Variants in ADARB2 observed in about 807,000 individuals in gnomAD.
The protein encoded by ADARB2 is inactive double-stranded RNA-specific editase B2.
In ADARB2, 25 loss-of-function variants were observed where a neutral mutation model predicts 62.2. The ratio of observed to expected loss-of-function variants is 0.40; its 90% CI spans 0.29 to 0.56. ADARB2 has a LOEUF of 0.56. Ranked by LOEUF, ADARB2 falls within the 20% of genes least tolerant of loss-of-function variation. ADARB2 has a pLI of 0.43. For synonymous variants in ADARB2, 572 were observed against 500.8 expected (o/e 1.14, Z -1.90); for missense variants, 1,071 against 1,077.4 (o/e 0.99, Z 0.08).
In ADARB2 at chr10:1,600,533, G is replaced by A. The variant is rs1018837593; in HGVS notation, c.100+136518C>T. On this transcript the variant is annotated intron_variant, in intron 1 of 9. Transcript: ENST00000381312. ...AAAAAGTAGCTGGGCGTGGTGGTGCGCCCCTGTAATCCCAGCTACTCCGAA... is the reference window on the plus strand; with the variant it reads ...AAAAAGTAGCTGGGCGTGGTGGTGCACCCCTGTAATCCCAGCTACTCCGAA... Among the ~76,000 whole-genome samples, 14 of 151,860 alleles carry A rather than the reference G, an allele frequency of 9.2e-5. 1 individual carries two copies. In the South Asian group the frequency reaches 2.5e-3, roughly 27 times the overall value.
chr10:1,496,100 G>A (rs1183259231), intron 1 of ADARB2, among the ~76,000 whole-genome samples: 2 of 144,710 alleles, frequency 1.4e-5, no homozygotes, highest in South Asian at 2.2e-4. Flanking sequence ...CATCATCATC[G>A]TCATCACCAT....
chr10:1,623,260 G>A (rs1833728189), intron 1 of ADARB2, among the ~76,000 whole-genome samples: 1 of 152,156 alleles, frequency 6.6e-6, no homozygotes, highest in South Asian at 2.1e-4. Context: ...ATTCTCAAGA[G>A]GACGTGAGGC....
Position 1,472,505 on chromosome 10 carries a change from C to T in ADARB2, c.101-93345G>A, listed in dbSNP as rs111836388. Reference sequence around the variant, plus strand: ...GGGGTGTACCCAAGTGGACACCGGGCCAGGAGAGTCTTCCTCACCATGCTG... The same window carrying T: ...GGGGTGTACCCAAGTGGACACCGGGTCAGGAGAGTCTTCCTCACCATGCTG... On this transcript the variant is annotated intron_variant, in intron 1 of 9. Coordinates refer to ENST00000381312, the MANE Select transcript of ADARB2 (RefSeq NM_018702.4). 8.5e-3 allele frequency among the ~76,000 whole-genome samples: 1,301 copies of T among 152,260 alleles called. 15 individuals carry two copies. Among genetic ancestry groups the T allele is most frequent in the African/African-American group, 0.03 (1,228 of 41,546 alleles).
intron 1 of ADARB2, among the ~76,000 whole-genome samples, chr10:1,547,802 G>C (rs1313751598): frequency 6.6e-6 from 1 of 150,782 alleles, no homozygotes; most frequent in Admixed American, 6.6e-5. Flanking sequence ...GGGGCAAGAG[G>C]CTGCACAGGT....
At chr10:1,473,663 T>A (rs1831357066) in intron 1 of ADARB2, among the ~76,000 whole-genome samples, 1 of 152,198 alleles carries the variant, frequency 6.6e-6, no homozygotes, top group South Asian at 2.1e-4. Context: ...ATTACAGGCA[T>A]GAGCTACTGC....
At chr10:1,433,041 C>A (rs1444968273) in intron 1 of ADARB2, among the ~76,000 whole-genome samples, 1 of 152,120 alleles carries the variant, frequency 6.6e-6, no homozygotes, top group African/African-American at 2.4e-5. Context: ...AAAAATCTCC[C>A]ATTTTCTAAA....
intron 1 of ADARB2, among the ~76,000 whole-genome samples, chr10:1,594,110 T>G (rs1442753236): frequency 6.6e-6 from 1 of 152,050 alleles, no homozygotes; most frequent in African/African-American, 2.4e-5. Context: ...GCCAACATAG[T>G]GAAACCCTGT....
intron 6 of ADARB2, among the ~76,000 whole-genome samples, chr10:1,227,099 C>T (rs950675129): frequency 9.2e-5 from 14 of 152,346 alleles, no homozygotes; most frequent in African/African-American, 3.4e-4. Context: ...ACAACTAACT[C>T]GGCAATGGCG....
intron 1 of ADARB2, among the ~76,000 whole-genome samples, chr10:1,504,195 C>T (rs1005613964): frequency 6.6e-6 from 1 of 152,162 alleles, no homozygotes; most frequent in African/African-American, 2.4e-5. Context: ...GCTCCAACCC[C>T]CTTTAAATCC....
chr10:1,408,865 G>A (rs969710752), intron 1 of ADARB2, among the ~76,000 whole-genome samples: 2 of 152,220 alleles, frequency 1.3e-5, no homozygotes, highest in Non-Finnish European at 2.9e-5. Context: ...CTGTCTGCCT[G>A]GGACCCAACG....
intron 1 of ADARB2, among the ~76,000 whole-genome samples, chr10:1,656,393 C>CA (rs1390655180): frequency 5.9e-5 from 9 of 152,176 alleles, no homozygotes; most frequent in Admixed American, 1.3e-4. Context: ...ACTCCTAGCC[C>CA]AAAGACAAAT....
chr10:1,270,886 G>C, intron 4 of ADARB2, 69 bp downstream of exon 4: 1 of 1,395,600 alleles, frequency 7.2e-7, no homozygotes, highest in Non-Finnish European at 1.0e-6. Flanking sequence ...TGGCCTCCAA[G>C]ATCAGGTAGA....
intron 1 of ADARB2, among the ~76,000 whole-genome samples, chr10:1,659,420 A>G (rs1009082812): frequency 3.3e-5 from 5 of 152,192 alleles, no homozygotes; most frequent in Non-Finnish European, 7.3e-5. Context: ...CGCGACATCT[A>G]AAAAACGAAA....
intron 3 of ADARB2, among the ~76,000 whole-genome samples, chr10:1,348,227 T>G (rs1329604087): frequency 6.6e-6 from 1 of 151,894 alleles, no homozygotes; most frequent in East Asian, 1.9e-4. Context: ...TCCCTGTTGT[T>G]TCTAAACTCT....
At chr10:1,245,702 G>A (rs1830980215) in intron 4 of ADARB2, among the ~76,000 whole-genome samples, 1 of 152,172 alleles carries the variant, frequency 6.6e-6, no homozygotes, top group African/African-American at 2.4e-5. Flanking sequence ...ATTCCATGGT[G>A]TATATGTGCC....
intron 1 of ADARB2, among the ~76,000 whole-genome samples, chr10:1,467,605 C>T (rs1389542236): frequency 2.0e-5 from 3 of 152,208 alleles, no homozygotes; most frequent in Non-Finnish European, 4.4e-5. Context: ...ACCGCTGACA[C>T]TGTGCCCAGC....
chr10:1,441,020 G>T (rs1201462728), intron 1 of ADARB2, among the ~76,000 whole-genome samples: 1 of 152,204 alleles, frequency 6.6e-6, no homozygotes, highest in African/African-American at 2.4e-5. Flanking sequence ...TGGGTTCACT[G>T]GTGGACCAGT....
intron 1 of ADARB2, among the ~76,000 whole-genome samples, chr10:1,522,387 C>T (rs1191899648): frequency 6.6e-6 from 1 of 152,152 alleles, no homozygotes; most frequent in Non-Finnish European, 1.5e-5. Flanking sequence ...GGAAAATTCG[C>T]TGTGGGGTGT....
chr10:1,341,352 G>A (rs1225757720), intron 3 of ADARB2, among the ~76,000 whole-genome samples: 2 of 85,270 alleles, frequency 2.3e-5, no homozygotes, highest in African/African-American at 4.7e-5. Context: ...AACGTGCCCT[G>A]CAACGGCGAT....
Sources: allele counts gnomAD v4.1 joint callset (sites outside exome capture counted in the v4.1 genomes callset), GRCh38; gene constraint gnomAD v4.1.1; transcripts MANE v1.5; gene names NCBI Gene and HGNC (gene_info 2026-07-23, HGNC 2026-07-21).